GALNT18: variants seen among roughly 807,000 people sequenced by gnomAD.
GALNT18 encodes GalNAc-transferase 18.
A neutral mutation model predicts 69.5 loss-of-function variants in GALNT18; 44 were observed. That is an observed-to-expected ratio of 0.63 (90% confidence interval 0.50 to 0.81). The LOEUF (loss-of-function observed/expected upper bound fraction) is 0.81. GALNT18 is among the 40% of genes least tolerant of loss of function. The probability of loss-of-function intolerance (pLI) is 0.00; values close to 1 mark genes in which losing one functional copy is unlikely to be tolerated. For missense variants in GALNT18, 715 were observed against 810.0 expected (o/e 0.88, Z 1.42); for synonymous variants, 364 against 318.2 (o/e 1.14, Z -1.53).
chr11:11,529,518 C>T (rs2133939653), intron 1 of GALNT18, among the ~76,000 whole-genome samples: 1 of 152,316 alleles, frequency 6.6e-6, no homozygotes, highest in South Asian at 2.1e-4. Context: ...GGTCTTCAGA[C>T]TCAGAACTAC....
intron 3 of GALNT18, among the ~76,000 whole-genome samples, chr11:11,428,081 C>A (rs1855174793): frequency 6.6e-6 from 1 of 152,260 alleles, no homozygotes; most frequent in South Asian, 2.1e-4. Context: ...TTAGCCCAGG[C>A]TGGTACTACA....
At chr11:11,525,356 A>G (rs146572490) in intron 1 of GALNT18, among the ~76,000 whole-genome samples, 2 of 152,258 alleles carry the variant, frequency 1.3e-5, no homozygotes, top group Middle Eastern at 3.4e-3. Context: ...AGGGAGCTCA[A>G]TGAATAAGAA....
At chr11:11,612,485 G>C (rs1859932343) in intron 1 of GALNT18, among the ~76,000 whole-genome samples, 1 of 152,156 alleles carries the variant, frequency 6.6e-6, no homozygotes, top group Non-Finnish European at 1.5e-5. Context: ...AGCAATTTTG[G>C]TACTGTTCTC....
chr11:11,363,512 G>A (rs1039434202), intron 6 of GALNT18, among the ~76,000 whole-genome samples: 1 of 152,042 alleles, frequency 6.6e-6, no homozygotes, highest in South Asian at 2.1e-4. Flanking sequence ...GCATTCTGGG[G>A]AATAAAATAA....
intron 1 of GALNT18, among the ~76,000 whole-genome samples, chr11:11,561,935 C>T (rs1460495028): frequency 6.6e-6 from 1 of 152,256 alleles, no homozygotes; most frequent in African/African-American, 2.4e-5. Flanking sequence ...TGCACCCTGA[C>T]CAAGTAGCAG....
At chr11:11,593,664 C>T (rs1859416907) in intron 1 of GALNT18, among the ~76,000 whole-genome samples, 1 of 152,186 alleles carries the variant, frequency 6.6e-6, no homozygotes, top group Admixed American at 6.5e-5. Flanking sequence ...TATGGTGGCT[C>T]ATGCCCCTAA....
At chr11:11,608,994 G>C (rs1232875990) in intron 1 of GALNT18, among the ~76,000 whole-genome samples, 1 of 152,198 alleles carries the variant, frequency 6.6e-6, no homozygotes, top group African/African-American at 2.4e-5. Context: ...ACATGAGTTA[G>C]CTTGCAAAAG....
At chr11:11,293,448 A>G (rs12788849) in intron 9 of GALNT18, among the ~76,000 whole-genome samples, 29,982 of 151,970 alleles carry the variant, frequency 0.2, 3,440 homozygotes, top group Non-Finnish European at 0.26. Flanking sequence ...TATGTAATAT[A>G]CACTGATTTC....
chr11:11,411,542 G>C (rs1428247630), intron 3 of GALNT18, among the ~76,000 whole-genome samples: 1 of 152,182 alleles, frequency 6.6e-6, no homozygotes, highest in Non-Finnish European at 1.5e-5. Flanking sequence ...GGTCTGCTCA[G>C]AACAGTGCCT....
rs975162065 is a variant in GALNT18, at chr11:11,601,800, T to A, written c.235+19559A>T. 6.6e-6 allele frequency among the ~76,000 whole-genome samples: 1 copy of A among 152,188 alleles called. No individual in the cohort carries two copies. The highest frequency in any genetic ancestry group is 2.4e-5 in the African/African-American group (1 of 41,438). ...AAATATAACATATAACAAAACCTGT[T>A]TTTTTCTCATCAATGTTATAACAAA... On this transcript the variant is annotated intron_variant, in intron 1 of 10. Transcript: ENST00000227756. The surrounding 1 kb of genome is among the most constrained non-coding windows in gnomAD (Gnocchi z 4.0).
chr11:11,466,747 T>C (rs1181185686), intron 1 of GALNT18, among the ~76,000 whole-genome samples: 1 of 152,200 alleles, frequency 6.6e-6, no homozygotes, highest in Non-Finnish European at 1.5e-5. Flanking sequence ...AGGCATTTTT[T>C]CTATCAGAGA....
chr11:11,325,946 A>C (rs1446661967), intron 9 of GALNT18, among the ~76,000 whole-genome samples: 2 of 151,032 alleles, frequency 1.3e-5, no homozygotes, highest in African/African-American at 4.9e-5. Flanking sequence ...ACACGTCATG[A>C]TGTCCTTCAG....
rs1390289426 is a variant in GALNT18, at chr11:11,586,363, T to G, written c.235+34996A>C. ...GTGGCAAATATTAACTGATACAACC[T>G]ATAGCAACAAAACTCCCTTGGGGTT... On this transcript the variant is annotated intron_variant, in intron 1 of 10. Coordinates refer to ENST00000227756, the MANE Select transcript of GALNT18 (RefSeq NM_198516.3). The surrounding 1 kb of genome is among the most constrained non-coding windows in gnomAD (Gnocchi z 4.1). Among the ~76,000 whole-genome samples, 1 of 152,212 alleles carries G rather than the reference T, an allele frequency of 6.6e-6. No homozygotes were observed. The highest frequency in any genetic ancestry group is 1.5e-5 in the Non-Finnish European group (1 of 68,038).
At chr11:11,285,192 T>G (rs935986219) in intron 10 of GALNT18, among the ~76,000 whole-genome samples, 1 of 152,126 alleles carries the variant, frequency 6.6e-6, no homozygotes, top group South Asian at 2.1e-4. Context: ...AGCGATCCAC[T>G]GGTTTTCCAG....
chr11:11,428,096 T>C (rs889921941), intron 3 of GALNT18, among the ~76,000 whole-genome samples: 3 of 152,178 alleles, frequency 2.0e-5, no homozygotes, highest in African/African-American at 7.2e-5. Flanking sequence ...ACTACAGAAA[T>C]CTTAGTTGAA....
Position 11,465,483 on chromosome 11 carries a change from C to T in GALNT18, c.236-16547G>A, listed in dbSNP as rs993955617. On this transcript the variant is annotated intron_variant, in intron 1 of 10. Coordinates refer to ENST00000227756, the MANE Select transcript of GALNT18 (RefSeq NM_198516.3). This position sits in a 1 kb window ranked among gnomAD's most constrained non-coding sequence, Gnocchi z 5.7. ...GCCCTCTGATCCTGGGGCTCGTGAT[C>T]CGTATCCATGGCAGCTCAGTAGCCA... Among the ~76,000 whole-genome samples the T allele has an allele frequency of 1.5e-4, 23 of 152,164 alleles. No individual in the cohort carries two copies. Among genetic ancestry groups the T allele is most frequent in the Non-Finnish European group, 2.9e-4 (20 of 68,036 alleles).
At position 11,332,967 on chromosome 11, in the gene GALNT18, T is replaced by G; in HGVS notation, c.1279-136A>C. 9.9e-6 allele frequency: 9 copies of G among 907,740 alleles called. No homozygotes were observed. The highest frequency in any genetic ancestry group is 1.6e-5 in the African/African-American group (1 of 61,618). 56.2% of individuals were successfully genotyped at this position (907,740 alleles called of 1,614,324 possible). ...AAGGGACCATGTGGCACGTTAACTCTTGCATTTTCCCACGGGTACCTTAAC... is the reference window on the plus strand; with the variant it reads ...AAGGGACCATGTGGCACGTTAACTCGTGCATTTTCCCACGGGTACCTTAAC... On this transcript the variant is annotated intron_variant, in intron 7 of 10. Coordinates refer to ENST00000227756, the MANE Select transcript of GALNT18 (RefSeq NM_198516.3). The surrounding 1 kb of genome is among the most constrained non-coding windows in gnomAD (Gnocchi z 4.3).
chr11:11,542,447 A>T lies in GALNT18; in HGVS notation c.235+78912T>A, dbSNP rs1172436018. ...TACCACCCATTCCAGCAAAGGCCAC[A>T]GTGCTGGCACATGCAATTCTTCAAT... On this transcript the variant is annotated intron_variant, in intron 1 of 10. Coordinates refer to ENST00000227756, the MANE Select transcript of GALNT18 (RefSeq NM_198516.3). The surrounding 1 kb of genome is among the most constrained non-coding windows in gnomAD (Gnocchi z 4.3). 1.3e-5 allele frequency among the ~76,000 whole-genome samples: 2 copies of T among 152,256 alleles called. No individual in the cohort carries two copies. The highest frequency in any genetic ancestry group is 6.5e-5 in the Admixed American group (1 of 15,290).
At chr11:11,272,983 T>G (rs1437487237) in intron 10 of GALNT18, among the ~76,000 whole-genome samples, 1 of 150,094 alleles carries the variant, frequency 6.7e-6, no homozygotes, top group Admixed American at 7.0e-5. Flanking sequence ...CCTGAGAAAA[T>G]GCAAAAGAAT....
Sources: gnomAD v4.1 joint callset for allele counts (sites outside exome capture counted in the v4.1 genomes callset) on GRCh38, gnomAD v4.1.1 for gene constraint, Gnocchi (gnomAD v3.1) non-coding constraint, MANE v1.5 for transcripts, NCBI Gene and HGNC (gene_info 2026-07-23, HGNC 2026-07-21) for gene names.